Variants in NHSL1 observed in about 807,000 individuals in gnomAD.
NHSL1 encodes the protein NHS like 1, also known as NHS-like protein 1.
A neutral mutation model predicts 95.0 loss-of-function variants in NHSL1; 48 were observed. The observed-to-expected ratio is 0.51, with a 90% CI of 0.40 to 0.64. NHSL1 has a LOEUF of 0.64. Among genes scored for constraint, NHSL1 ranks in the 30% least tolerant of loss-of-function variants. NHSL1 has a pLI of 0.00. For missense variants in NHSL1, 1,971 were observed against 2,077.7 expected (o/e 0.95, Z 1.00); for synonymous variants, 783 against 833.9 (o/e 0.94, Z 1.05).
At chr6:138,504,460 C>A (rs1562334300), upstream of NHSL1, among the ~76,000 whole-genome samples, 1 of 152,200 alleles carries the variant, frequency 6.6e-6, no homozygotes, top group Non-Finnish European at 1.5e-5. Flanking sequence ...ACATCCACCT[C>A]ATTTAAAGGA....
In NHSL1 at chr6:138,579,060, G is replaced by C. The variant is rs548469705; in HGVS notation, c.97-82689C>G. On this transcript the variant is annotated intron_variant, in intron 1 of 3. Transcript: ENST00000491526. Reference sequence around the variant, plus strand: ...ATTCTCATAAGCAGTGTGCAACCTAGATCCCTGGCATGCATGGCTCACAAC... The same window carrying C: ...ATTCTCATAAGCAGTGTGCAACCTACATCCCTGGCATGCATGGCTCACAAC... 1.5e-3 allele frequency among the ~76,000 whole-genome samples: 231 copies of C among 152,306 alleles called. 1 individual carries two copies. The highest frequency in any genetic ancestry group is 3.3e-3 in the Admixed American group (51 of 15,310).
At chr6:138,587,264 C>T (rs1349631357) in intron 1 of NHSL1, among the ~76,000 whole-genome samples, 1 of 151,696 alleles carries the variant, frequency 6.6e-6, no homozygotes, top group Non-Finnish European at 1.5e-5. Flanking sequence ...TGAGCCACCA[C>T]ACCTGGAGGC....
At chr6:138,616,005 C>A (rs150669624) in intron 1 of NHSL1, among the ~76,000 whole-genome samples, 163 of 152,318 alleles carry the variant, frequency 1.1e-3, no homozygotes, top group African/African-American at 3.8e-3. Flanking sequence ...GCCTGGGCAA[C>A]ATAGCAAGGC....
chr6:138,654,592 G>T (rs1785132793), intron 1 of NHSL1, among the ~76,000 whole-genome samples: 1 of 151,356 alleles, frequency 6.6e-6, no homozygotes, highest in Non-Finnish European at 1.5e-5. Flanking sequence ...TTTTTTATGT[G>T]ACAAATTCAA....
Position 138,525,576 on chromosome 6 carries a change from TAAAA to T in NHSL1, c.16+20043_16+20046del, listed in dbSNP as rs895301781. 2.0e-4 allele frequency among the ~76,000 whole-genome samples: 27 copies of T among 136,130 alleles called. No individual in the cohort carries two copies. The East Asian group carries it at 2.3e-3, about 11-fold the overall frequency. 89.3% of individuals were successfully genotyped at this position (136,130 alleles called of 152,430 possible). ...ATAAATAAATAAATAAATAAATAAA[TAAAA>T]AGGGAAAGATGCAGTCCTATATGCT... On this transcript the variant is annotated intron_variant, in intron 1 of 4. Transcript: ENST00000342260.
chr6:138,619,536 T>C (rs577634951), intron 1 of NHSL1, among the ~76,000 whole-genome samples: 78 of 152,298 alleles, frequency 5.1e-4, no homozygotes, highest in African/African-American at 1.8e-3. Flanking sequence ...TCCCACCTAA[T>C]TAAAGAACCT....
At chr6:138,428,013 G>T (rs574167299) in intron 7 of NHSL1, among the ~76,000 whole-genome samples, 2 of 152,182 alleles carry the variant, frequency 1.3e-5, no homozygotes, top group Admixed American at 1.3e-4. Flanking sequence ...TCGATGTAAC[G>T]TCCTAGTAAG....
chr6:138,574,957 T>C (rs1398762982), upstream of NHSL1, among the ~76,000 whole-genome samples: 2 of 152,216 alleles, frequency 1.3e-5, no homozygotes, highest in Non-Finnish European at 2.9e-5. Flanking sequence ...TGGAGTGCAA[T>C]GGCGCAATCT....
intron 2 of NHSL1, among the ~76,000 whole-genome samples, chr6:138,495,592 C>A (rs1399230053): frequency 2.6e-5 from 4 of 152,210 alleles, no homozygotes; most frequent in Non-Finnish European, 5.9e-5. Flanking sequence ...CAAATTAACA[C>A]TGGCGGTTTA....
At chr6:138,445,651 A>G (rs905622156) in intron 4 of NHSL1, among the ~76,000 whole-genome samples, 5 of 152,208 alleles carry the variant, frequency 3.3e-5, no homozygotes, top group African/African-American at 1.2e-4. Flanking sequence ...AGGTTTTAAA[A>G]AAAATCTTCG....
At chr6:138,597,928 C>T (rs6904022) in intron 1 of NHSL1, among the ~76,000 whole-genome samples, 1,769 of 152,152 alleles carry the variant, frequency 0.012, 26 homozygotes, top group African/African-American at 0.041. Flanking sequence ...TCCCCAGTGA[C>T]GATGATAATG....
chr6:138,651,897 T>G (rs886779516), intron 1 of NHSL1, among the ~76,000 whole-genome samples: 4 of 152,182 alleles, frequency 2.6e-5, no homozygotes, highest in Non-Finnish European at 5.9e-5. Flanking sequence ...TCACACTTTT[T>G]TGGGGTTAAA....
intron 1 of NHSL1, among the ~76,000 whole-genome samples, chr6:138,543,392 G>A (rs1190919087): frequency 3.3e-5 from 5 of 152,144 alleles, no homozygotes; most frequent in Admixed American, 3.3e-4. Context: ...TGAGAAAGAT[G>A]GCATCCTTCT....
intron 2 of NHSL1, among the ~76,000 whole-genome samples, chr6:138,478,012 C>CTTTTTTTTTTTTTTTTTTTTTTTTTTT (rs71009589): frequency 6.7e-5 from 2 of 29,998 alleles, no homozygotes; most frequent in Non-Finnish European, 1.2e-4. Context: ...ATTTATGTCA[C>CTTTTTTTTTTTTTTTTTTTTTTTTTTT]TTTTTTTTTT....
intron 1 of NHSL1, among the ~76,000 whole-genome samples, chr6:138,538,118 T>A (rs887318200): frequency 1.3e-5 from 2 of 152,154 alleles, no homozygotes; most frequent in African/African-American, 4.8e-5. Context: ...ACAATATTGA[T>A]CTCTTTTGCA....
chr6:138,476,641 A>G (rs539468492), intron 2 of NHSL1, among the ~76,000 whole-genome samples: 1 of 152,122 alleles, frequency 6.6e-6, no homozygotes, highest in Non-Finnish European at 1.5e-5. Context: ...AGCCTGGCCA[A>G]CACAGAAAAA....
chr6:138,667,462 G>C (rs1395469125), intron 1 of NHSL1, among the ~76,000 whole-genome samples: 3 of 152,146 alleles, frequency 2.0e-5, no homozygotes, highest in Non-Finnish European at 2.9e-5. Context: ...CTGTTAAGCT[G>C]TATATAAAAA....
intron 2 of NHSL1, among the ~76,000 whole-genome samples, chr6:138,478,294 A>T (rs963417884): frequency 3.3e-5 from 5 of 152,084 alleles, no homozygotes; most frequent in Admixed American, 3.3e-4. Flanking sequence ...AAATGTTTTA[A>T]TAGCAGTATA....
rs1562258345 is a variant in NHSL1 at position 138,431,069 on chromosome 6, C to A, written c.3276G>T (p.Leu1092Phe). ...GTTGTTCCTGAGCTGTTCGTTCAGA[C>A]AACTGTGCCGCCTCAGCGCCTGAGT... Reference protein sequence around the residue: ...RKNSGAEAAQLSERTAQEQRT... With the variant: ...RKNSGAEAAQFSERTAQEQRT... Residue 1092 changes from leucine to phenylalanine, a missense_variant, in exon 6 of 8, where the codon TTG (leucine) becomes TTT (phenylalanine). By Grantham distance (22) the Leu-to-Phe change is conservative. Around this residue, in one of 3 missense-constraint regions of NHSL1, gnomAD observed 1,602 missense variants for 1,654.5 expected, o/e 0.97. Coordinates refer to ENST00000343505, the MANE Select transcript of NHSL1 (RefSeq NM_001144060.2). The surrounding 1 kb of genome is among the most constrained non-coding windows in gnomAD (Gnocchi z 4.0). 1.3e-6 allele frequency: 2 copies of A among 1,552,048 alleles called. No homozygotes were observed. Among genetic ancestry groups the A allele is most frequent in the Non-Finnish European group, 1.7e-6 (2 of 1,147,080 alleles).
Sources: allele counts gnomAD v4.1 joint callset (sites outside exome capture counted in the v4.1 genomes callset), GRCh38; gene constraint gnomAD v4.1.1; regional missense constraint gnomAD v4.1.1; non-coding constraint Gnocchi (gnomAD v3.1); transcripts MANE v1.5; gene names NCBI Gene and HGNC (gene_info 2026-07-23, HGNC 2026-07-21).